The following TMTC1 variants were observed in gnomAD, a reference collection of about 807,000 sequenced individuals.
TMTC1 encodes protein O-mannosyl-transferase TMTC1.
TMTC1 carries 73 observed loss-of-function variants against 104.8 expected under a neutral mutation model. The observed-to-expected ratio is 0.70, with a 90% CI of 0.58 to 0.85. The LOEUF (loss-of-function observed/expected upper bound fraction) is 0.85. Ranked by LOEUF, TMTC1 falls within the 40% of genes least tolerant of loss-of-function variation. The pLI is 0.00. For missense variants in TMTC1, 1,035 were observed against 1,096.1 expected (o/e 0.94, Z 0.79); for synonymous variants, 434 against 428.7 (o/e 1.01, Z -0.15).
At chr12:29,754,230 T>A (rs1444781247) in intron 4 of TMTC1, among the ~76,000 whole-genome samples, 2 of 149,164 alleles carry the variant, frequency 1.3e-5, no homozygotes, top group Non-Finnish European at 3.0e-5. Context: ...GTATCAGCAG[T>A]ATTAATCCTC....
At chr12:29,728,249 G>T (rs1942453494) in intron 5 of TMTC1, among the ~76,000 whole-genome samples, 1 of 152,044 alleles carries the variant, frequency 6.6e-6, no homozygotes, top group Admixed American at 6.6e-5. Context: ...CTCAGAGTTG[G>T]AAGGAAACAG....
Position 29,514,497 on chromosome 12 carries a change from G to A in TMTC1, c.2415C>T (p.Leu805=), listed in dbSNP as rs749302905. 2.6e-5 allele frequency: 42 copies of A among 1,612,484 alleles called. 1 individual carries two copies. Among genetic ancestry groups the A allele is most frequent in the South Asian group, 9.9e-5 (9 of 90,852 alleles). Residue 805 remains leucine (L), a synonymous_variant, in exon 16 of 18, where the codon CTC becomes CTT. Coordinates refer to ENST00000539277, the MANE Select transcript of TMTC1 (RefSeq NM_001193451.2). The part of the protein sequence containing the change: ...KGNQLREQNL[L]DKAFESYRVA... ...GAGTTTATACCTCAAAAGCTTTGTC[G>A]AGAAGGTTCTGCTCTCTTAATTGGT...
rs371861270 is a variant in TMTC1 at position 29,651,514 on chromosome 12, CTT to C, written c.939-18180_939-18179del. ...ATATAAGAAGTTAGGGCCCCACTAA[CTT>C]TCTCTCCCTCTGCTACACTGACTTA... is the stretch of plus-strand genomic sequence containing the variant. On this transcript the variant is annotated intron_variant, in intron 5 of 17. Transcript: ENST00000539277. 6.6e-3 allele frequency among the ~76,000 whole-genome samples: 1,012 copies of C among 152,318 alleles called. 13 individuals are homozygous for C. Among genetic ancestry groups the C allele is most frequent in the African/African-American group, 0.024 (978 of 41,558 alleles).
At chr12:29,601,402 T>C (rs1179898648) in intron 7 of TMTC1, among the ~76,000 whole-genome samples, 1 of 152,230 alleles carries the variant, frequency 6.6e-6, no homozygotes, top group Non-Finnish European at 1.5e-5. Flanking sequence ...ATTATTCTCC[T>C]GTATCTAAAC....
chr12:29,541,856 A>G (rs1227135384), intron 10 of TMTC1, among the ~76,000 whole-genome samples: 1 of 151,844 alleles, frequency 6.6e-6, no homozygotes, highest in Non-Finnish European at 1.5e-5. Context: ...ACGGTGTTTC[A>G]CCATGTTGGC....
intron 8 of TMTC1, among the ~76,000 whole-genome samples, chr12:29,572,701 CT>C (rs377224694): frequency 3.6e-4 from 55 of 152,272 alleles, no homozygotes; most frequent in African/African-American, 1.3e-3. Context: ...ACTGGGGCTG[CT>C]GCACAGATAG....
In TMTC1 at chr12:29,545,629, TCACACA is replaced by T. The variant is rs55958433; in HGVS notation, c.1677-9318_1677-9313del. Among the ~76,000 whole-genome samples, 240 of 73,568 alleles carry T rather than the reference TCACACA, an allele frequency of 3.3e-3. 3 individuals carry two copies. The highest frequency in any genetic ancestry group is 9.1e-3 in the East Asian group (27 of 2,970). 48.3% of individuals were successfully genotyped at this position (73,568 alleles called of 152,430 possible). On this transcript the variant is annotated intron_variant, in intron 10 of 17. Coordinates refer to ENST00000539277, the MANE Select transcript of TMTC1 (RefSeq NM_001193451.2). ...GTCTGGGCAACAGAGCAAGACTCTGTCACACACACACACACACACACACACACACAC... is the reference window on the plus strand; with the variant it reads ...GTCTGGGCAACAGAGCAAGACTCTGTCACACACACACACACACACACACAC...
intron 5 of TMTC1, among the ~76,000 whole-genome samples, chr12:29,695,454 A>T (rs117689438): frequency 0.046 from 6,950 of 151,870 alleles, 232 homozygotes; most frequent in South Asian, 0.18. Flanking sequence ...TTACAGACAC[A>T]CGCCACCACA....
intron 10 of TMTC1, among the ~76,000 whole-genome samples, chr12:29,552,617 G>T (rs1345981529): frequency 6.6e-6 from 1 of 152,080 alleles, no homozygotes; most frequent in Admixed American, 6.6e-5. Flanking sequence ...CTTACTAAAG[G>T]ACTTTGGCAT....
In TMTC1 at chr12:29,712,350, T is replaced by C. The variant is rs558536773; in HGVS notation, c.938+39316A>G. Reference sequence around the variant, plus strand: ...TGCTGTCTTAATAAGAATTAATTATTTTCCCAATCTATCACCTTCCATTTA... The same window carrying C: ...TGCTGTCTTAATAAGAATTAATTATCTTCCCAATCTATCACCTTCCATTTA... On this transcript the variant is annotated intron_variant, in intron 5 of 17. Transcript: ENST00000539277. Among the ~76,000 whole-genome samples the C allele has an allele frequency of 8.5e-5, 13 of 152,338 alleles. No homozygotes were observed. The South Asian group carries it at 2.1e-3, about 24-fold the overall frequency.
Position 29,583,523 on chromosome 12 carries a change from C to T in TMTC1, c.1302G>A (p.Trp434Ter), listed in dbSNP as rs867821068. 2 of 1,613,802 alleles carry T rather than the reference C, an allele frequency of 1.2e-6. No homozygotes were observed. Among genetic ancestry groups the T allele is most frequent in the Non-Finnish European group, 1.7e-6 (2 of 1,179,834 alleles). The change falls in exon 8 of 18, where the codon TGG becomes TGA. Residue 434 changes from tryptophan to a stop codon, truncating the protein, a stop_gained. Coordinates refer to ENST00000539277, the MANE Select transcript of TMTC1 (RefSeq NM_001193451.2). LOFTEE classifies it high-confidence loss of function. Reference protein sequence around the residue: ...FVHGLSKLCTWLNRCGATTLI... With the variant: ...FVHGLSKLCT ...GGGTGGTGGCCCCACATCGATTCAG[C>T]CAAGTGCAGAGCTTGCTCAGTCCAT...
At chr12:29,659,111 C>T (rs1278643910) in intron 5 of TMTC1, among the ~76,000 whole-genome samples, 1 of 152,212 alleles carries the variant, frequency 6.6e-6, no homozygotes, top group Non-Finnish European at 1.5e-5. Context: ...AACCACCCCA[C>T]TTATTTTATC....
At chr12:29,600,009 T>TATATATATATA (rs1555174500) in intron 7 of TMTC1, among the ~76,000 whole-genome samples, 830 of 71,714 alleles carry the variant, frequency 0.012, 16 homozygotes, top group African/African-American at 0.03. Context: ...TATATATATA[T>TATATATATATA]TTTTTTTTTT....
intron 11 of TMTC1, among the ~76,000 whole-genome samples, chr12:29,521,954 G>C (rs299432): frequency 0.69 from 105,151 of 152,092 alleles, 36,703 homozygotes; most frequent in Non-Finnish European, 0.73. Flanking sequence ...TTAATCAAAG[G>C]TTCCCAGATA....
chr12:29,645,492 G>A (rs1939226988), intron 5 of TMTC1, among the ~76,000 whole-genome samples: 1 of 152,132 alleles, frequency 6.6e-6, no homozygotes, highest in Non-Finnish European at 1.5e-5. Context: ...CCTTTTACAT[G>A]TGCCATTAAT....
chr12:29,725,840 A>C (rs1480041577), intron 5 of TMTC1, among the ~76,000 whole-genome samples: 1 of 152,252 alleles, frequency 6.6e-6, no homozygotes, highest in African/African-American at 2.4e-5. Context: ...AAAAACAATA[A>C]CATTTAAGAC....
intron 6 of TMTC1, among the ~76,000 whole-genome samples, chr12:29,619,019 G>A (rs972166093): frequency 2.0e-5 from 3 of 152,118 alleles, no homozygotes; most frequent in Admixed American, 1.3e-4. Context: ...GGTGGCACTT[G>A]CTCTGAGTAA....
chr12:29,678,598 T>C (rs917448006), intron 5 of TMTC1, among the ~76,000 whole-genome samples: 3 of 152,180 alleles, frequency 2.0e-5, no homozygotes, highest in Non-Finnish European at 2.9e-5. Context: ...TCAGACTTGA[T>C]GTGAACAAGA....
At chr12:29,721,576 G>T (rs1942238591) in intron 5 of TMTC1, among the ~76,000 whole-genome samples, 1 of 151,972 alleles carries the variant, frequency 6.6e-6, no homozygotes, top group African/African-American at 2.4e-5. Context: ...ATTCCAAGGA[G>T]AAATAAACAA....
Sources: allele counts gnomAD v4.1 joint callset (sites outside exome capture counted in the v4.1 genomes callset), GRCh38; gene constraint gnomAD v4.1.1; transcripts MANE v1.5; gene names NCBI Gene and HGNC (gene_info 2026-07-23, HGNC 2026-07-21).